NAV2: variants seen among roughly 807,000 people sequenced by gnomAD.
NAV2 encodes the protein helicase, APC down-regulated 1.
In NAV2, 54 loss-of-function variants were observed where a neutral mutation model predicts 223.2. The observed-to-expected ratio is 0.24, with a 90% CI of 0.19 to 0.30. The LOEUF (loss-of-function observed/expected upper bound fraction) is 0.30. NAV2 is among the 10% of genes least tolerant of loss of function. The probability of loss-of-function intolerance (pLI) is 1.00; values close to 1 mark genes in which losing one functional copy is unlikely to be tolerated. For synonymous variants in NAV2, 1,279 were observed against 1,239.3 expected (o/e 1.03, Z -0.67); for missense variants, 2,806 against 3,147.5 (o/e 0.89, Z 2.60).
chr11:20,079,059 G>A (rs1011386509), intron 24 of NAV2, among the ~76,000 whole-genome samples: 1 of 151,776 alleles, frequency 6.6e-6, no homozygotes, highest in African/African-American at 2.4e-5. Flanking sequence ...TTCTTTTTTT[G>A]AGACGGAGTT....
At chr11:19,557,900 G>A (rs531287804) in intron 1 of NAV2, among the ~76,000 whole-genome samples, 11 of 152,322 alleles carry the variant, frequency 7.2e-5, no homozygotes, top group Non-Finnish European at 1.0e-4. Flanking sequence ...AGGGCACTTC[G>A]TCTGGTGAAT....
At position 19,427,419 on chromosome 11, in the gene NAV2, G is replaced by T. The variant is rs189051064; in HGVS notation, c.75+76392G>T. Among the ~76,000 whole-genome samples, 197 of 152,332 alleles carry T rather than the reference G, an allele frequency of 1.3e-3. 1 individual carries two copies. The highest frequency in any genetic ancestry group is 4.4e-3 in the African/African-American group (183 of 41,574). On this transcript the variant is annotated intron_variant, in intron 1 of 37. Coordinates refer to the NAV2 transcript ENST00000360655. ...AGCTAGGATTACTGAGGAGACACCT[G>T]TTATTTTTAACCTGAACCTTTGCCT...
intron 1 of NAV2, among the ~76,000 whole-genome samples, chr11:19,536,095 C>T (rs535414891): frequency 6.6e-6 from 1 of 152,274 alleles, no homozygotes; most frequent in African/African-American, 2.4e-5. Flanking sequence ...ATTTACTTGG[C>T]AATGTTACGT....
chr11:20,011,974 T>C (rs1399868759), intron 11 of NAV2, among the ~76,000 whole-genome samples: 1 of 152,262 alleles, frequency 6.6e-6, no homozygotes, highest in Non-Finnish European at 1.5e-5. Flanking sequence ...CTTATAATTC[T>C]GACATTTGTG....
intron 6 of NAV2, among the ~76,000 whole-genome samples, chr11:19,897,346 A>C (rs2042076353): frequency 6.6e-6 from 1 of 152,206 alleles, no homozygotes. Flanking sequence ...ACTAACCTGC[A>C]CGTTGTGCAC....
chr11:19,400,643 A>C (rs557527596), intron 1 of NAV2, among the ~76,000 whole-genome samples: 12 of 152,324 alleles, frequency 7.9e-5, no homozygotes, highest in African/African-American at 2.9e-4. Context: ...TGTCATTAGA[A>C]GGTAAGAATT....
At chr11:19,626,228 G>T (rs527719744) in intron 1 of NAV2, among the ~76,000 whole-genome samples, 1 of 152,246 alleles carries the variant, frequency 6.6e-6, no homozygotes, top group South Asian at 2.1e-4. Context: ...AGAGATGGAG[G>T]TCTGTTTTCA....
At chr11:19,617,614 T>G (rs866048252) in intron 1 of NAV2, among the ~76,000 whole-genome samples, 6 of 152,148 alleles carry the variant, frequency 3.9e-5, no homozygotes, top group Admixed American at 2.0e-4. Context: ...ATGGTAGGTG[T>G]GATAAGAAGT....
chr11:19,588,521 TAAAC>T (rs1198538506), intron 1 of NAV2, among the ~76,000 whole-genome samples: 1 of 152,158 alleles, frequency 6.6e-6, no homozygotes, highest in East Asian at 1.9e-4. Context: ...AGGAAGATGA[TAAAC>T]AAAGTCCTGT....
At chr11:19,997,854 C>T (rs1758912156) in intron 11 of NAV2, among the ~76,000 whole-genome samples, 1 of 152,258 alleles carries the variant, frequency 6.6e-6, no homozygotes, top group Non-Finnish European at 1.5e-5. Context: ...GGAATCCCGA[C>T]TCATGGTCCA....
chr11:19,486,334 A>C (rs942828790), intron 1 of NAV2, among the ~76,000 whole-genome samples: 1 of 152,004 alleles, frequency 6.6e-6, no homozygotes, highest in Admixed American at 6.5e-5. Flanking sequence ...TCAATCCTTC[A>C]GGCCTTTGGT....
At chr11:19,884,281 T>G in intron 5 of NAV2, 1 of 1,608,988 alleles carries the variant, frequency 6.2e-7, no homozygotes, top group Non-Finnish European at 8.5e-7. Flanking sequence ...CTTTTTTCTT[T>G]CCTATCATGC....
intron 3 of NAV2, among the ~76,000 whole-genome samples, chr11:19,863,652 C>T (rs2061923119): frequency 6.6e-6 from 1 of 152,126 alleles, no homozygotes; most frequent in Non-Finnish European, 1.5e-5. Flanking sequence ...TCCCCTTGGC[C>T]GTGCTGCACC....
In NAV2 at chr11:20,101,051, C is replaced by T; in HGVS notation, c.6296C>T (p.Pro2099Leu). 4 of 1,614,138 alleles carry T rather than the reference C, an allele frequency of 2.5e-6. No homozygotes were observed. Among genetic ancestry groups the T allele is most frequent in the Non-Finnish European group, 3.4e-6 (4 of 1,180,026 alleles). The part of the protein sequence containing the change: ...IEHRRIILSG[P>L]SGTGKTYLAN... ...CACCGTCGGATCATTCTCTCTGGCC[C>T]CAGCGGCACTGGGAAAACCTACCTG... Residue 2099 changes from proline (P) to leucine (L), a missense_variant, in exon 32 of 38, where the codon CCC becomes CTC. Pro to Leu is a moderately conservative substitution (Grantham distance 98). Transcript: ENST00000349880.
At chr11:20,048,273 G>A (rs780648180) in intron 14 of NAV2, among the ~76,000 whole-genome samples, 16 of 152,296 alleles carry the variant, frequency 1.1e-4, no homozygotes, top group South Asian at 2.1e-4. Flanking sequence ...GTGCTCAGAG[G>A]TCAAGAAACC....
chr11:19,480,190 C>G (rs1194438355), intron 1 of NAV2, among the ~76,000 whole-genome samples: 1 of 152,168 alleles, frequency 6.6e-6, no homozygotes, highest in East Asian at 1.9e-4. Context: ...TGCTGCATGA[C>G]TTCTCAGAGC....
At chr11:20,049,980 C>T (rs2057816619) in intron 16 of NAV2, 79 bp downstream of exon 16, 12 of 1,422,540 alleles carry the variant, frequency 8.4e-6, no homozygotes, top group South Asian at 1.1e-5. Context: ...ATGTCTTGTG[C>T]GAGGCTGTTG....
chr11:19,351,711 G>GT (rs1564869273), intron 1 of NAV2, among the ~76,000 whole-genome samples: 1 of 150,474 alleles, frequency 6.6e-6, no homozygotes, highest in East Asian at 2.0e-4. Context: ...AGAACGGGGC[G>GT]TGGCAAGGGT....
At position 20,045,102 on chromosome 11, in the gene NAV2, A is replaced by G; in HGVS notation, c.3334A>G (p.Thr1112Ala). 6.2e-7 allele frequency: 1 copy of G among 1,614,154 alleles called. No individual in the cohort carries two copies. Among genetic ancestry groups the G allele is most frequent in the Non-Finnish European group, 8.5e-7 (1 of 1,180,016 alleles). The change falls in exon 14 of 38, where the codon ACA (threonine) becomes GCA (alanine). Residue 1112 changes from threonine to alanine, a missense_variant. By Grantham distance (58) the Thr-to-Ala change is moderately conservative. Coordinates refer to ENST00000349880, the MANE Select transcript of NAV2 (RefSeq NM_145117.5). ...SKKPLPSSSR[T>A]PTANANSFGF... ...AAAGCCCCTCCCCAGCAGCTCTAGG[A>G]CACCTACTGCCAATGCCAACAGCTT...
Sources: allele counts gnomAD v4.1 joint callset (sites outside exome capture counted in the v4.1 genomes callset), GRCh38; gene constraint gnomAD v4.1.1; transcripts MANE v1.5; gene names NCBI Gene and HGNC (gene_info 2026-07-23, HGNC 2026-07-21).